Variants in ATP2B1 observed in about 807,000 individuals in gnomAD.
The protein encoded by ATP2B1 is ATPase plasma membrane Ca2+ transporting 1, also known as plasma membrane calcium-transporting ATPase 1.
ATP2B1 carries 14 observed loss-of-function variants against 124.2 expected under a neutral mutation model. The observed-to-expected ratio is 0.11, with a 90% confidence interval of 0.07 to 0.18. ATP2B1 has a LOEUF of 0.18. Ranked by LOEUF, ATP2B1 falls within the 10% of genes least tolerant of loss-of-function variation. ATP2B1 has a pLI of 1.00. For missense variants in ATP2B1, 763 were observed against 1,466.1 expected (o/e 0.52, Z 7.83); for synonymous variants, 449 against 492.4 (o/e 0.91, Z 1.17).
chr12:89,706,984 C>A (rs955067334), intron 1 of ATP2B1, among the ~76,000 whole-genome samples: 5 of 150,948 alleles, frequency 3.3e-5, no homozygotes, highest in Non-Finnish European at 7.4e-5. Context: ...GCTAAATAAG[C>A]CCATTTCATA....
intron 1 of ATP2B1, among the ~76,000 whole-genome samples, chr12:89,697,703 T>C: frequency 6.8e-6 from 1 of 147,048 alleles, no homozygotes; most frequent in African/African-American, 2.5e-5. Flanking sequence ...ATATTAGCAG[T>C]CCTCTTAGTT....
At chr12:89,642,659 C>T (rs1883737325) in intron 2 of ATP2B1, among the ~76,000 whole-genome samples, 1 of 152,100 alleles carries the variant, frequency 6.6e-6, no homozygotes, top group Non-Finnish European at 1.5e-5. Flanking sequence ...GGCTGGCGTG[C>T]AGTGGCACAA....
At chr12:89,678,623 C>A (rs577811995) in intron 1 of ATP2B1, among the ~76,000 whole-genome samples, 5 of 152,184 alleles carry the variant, frequency 3.3e-5, no homozygotes, top group Admixed American at 2.0e-4. Context: ...GCCCTCTGGC[C>A]ATGGCAAATA....
In ATP2B1 at chr12:89,669,333, G is replaced by A. The variant is rs114249085; in HGVS notation, c.-221-13226C>T. ...GCAATGATATTGAAGACAAACAGAT[G>A]TCCTTTAGCAAGGCCCATCTCAGGT... On this transcript the variant is annotated intron_variant, in intron 1 of 20. Transcript: ENST00000428670. Among the ~76,000 whole-genome samples, 567 of 152,236 alleles carry A rather than the reference G, an allele frequency of 3.7e-3. 6 individuals are homozygous for A. The highest frequency in any genetic ancestry group is 0.013 in the African/African-American group (535 of 41,532).
upstream of ATP2B1, chr12:89,709,251 C>T (rs1269636093): frequency 1.3e-5 from 2 of 151,654 alleles, no homozygotes; most frequent in East Asian, 3.9e-4. Flanking sequence ...TTTCTCCACA[C>T]CCACACGCCT....
At chr12:89,666,959 C>T (rs1887381317) in intron 1 of ATP2B1, among the ~76,000 whole-genome samples, 2 of 152,044 alleles carry the variant, frequency 1.3e-5, no homozygotes, top group Admixed American at 1.3e-4. Context: ...TTTTTCTCCA[C>T]CCACCTCCCT....
In ATP2B1 at chr12:89,662,052, C is replaced by A. The variant is rs79564811; in HGVS notation, c.-221-5945G>T. Among the ~76,000 whole-genome samples, 790 of 152,050 alleles carry A rather than the reference C, an allele frequency of 5.2e-3. 19 individuals carry two copies. Among genetic ancestry groups the A allele is most frequent in the East Asian group, 0.049 (254 of 5,172 alleles). ...GAGCCTAAATTTATGGCCCATTACA[C>A]TGAAAAGTTATTTAAAGGCAACAAA... On this transcript the variant is annotated intron_variant, in intron 1 of 20. Transcript: ENST00000428670.
intron 1 of ATP2B1, among the ~76,000 whole-genome samples, chr12:89,685,115 T>A (rs1326377931): frequency 6.6e-6 from 1 of 152,176 alleles, no homozygotes. Context: ...AGATGCAATT[T>A]AGCAGGATGA....
intron 1 of ATP2B1, among the ~76,000 whole-genome samples, chr12:89,674,101 G>A (rs974153005): frequency 6.6e-6 from 1 of 152,126 alleles, no homozygotes; most frequent in African/African-American, 2.4e-5. Context: ...TATCTGCATG[G>A]TAGGTGTTGG....
intron 10 of ATP2B1, among the ~76,000 whole-genome samples, chr12:89,621,010 A>T (rs748189046): frequency 2.6e-5 from 4 of 152,196 alleles, no homozygotes; most frequent in African/African-American, 9.6e-5. Context: ...TCTGTTATAA[A>T]TAAGATTTTT....
intron 1 of ATP2B1, among the ~76,000 whole-genome samples, chr12:89,667,378 T>C (rs1887439713): frequency 6.6e-6 from 1 of 152,178 alleles, no homozygotes; most frequent in South Asian, 2.1e-4. Flanking sequence ...CCTTTTAAAA[T>C]CTTTACCACA....
chr12:89,598,992 A>C, intron 20 of ATP2B1, 125 bp downstream of exon 20: 2 of 1,194,738 alleles, frequency 1.7e-6, no homozygotes, highest in Non-Finnish European at 2.4e-6. Flanking sequence ...ATTACTTTTC[A>C]AGAGAATACA....
intron 1 of ATP2B1, among the ~76,000 whole-genome samples, chr12:89,672,123 T>C (rs978347851): frequency 2.0e-5 from 3 of 152,152 alleles, no homozygotes; most frequent in South Asian, 4.1e-4. Flanking sequence ...CCTAAGCAAA[T>C]TGCTCTATCT....
rs116217816 is a variant in ATP2B1, at chr12:89,684,591, C to T, written c.-222+24005G>A. 7.6e-3 allele frequency among the ~76,000 whole-genome samples: 1,152 copies of T among 152,250 alleles called. 19 individuals carry two copies. The highest frequency in any genetic ancestry group is 0.026 in the African/African-American group (1,085 of 41,552). ...AGGGAAATAGTGGTCATTCAGACTA[C>T]ATAACAAATTAGGACTGTTTCAGCA... On this transcript the variant is annotated intron_variant, in intron 1 of 20. Transcript: ENST00000428670.
intron 1 of ATP2B1, among the ~76,000 whole-genome samples, chr12:89,675,644 C>T (rs564359650): frequency 6.6e-6 from 1 of 152,062 alleles, no homozygotes; most frequent in Non-Finnish European, 1.5e-5. Flanking sequence ...ATATAACTTA[C>T]AATTGAAGCA....
At position 89,684,584 on chromosome 12, in the gene ATP2B1, C is replaced by T. The variant is rs368604403; in HGVS notation, c.-222+24012G>A. Reference sequence around the variant, plus strand: ...AAGGATTAGGGAAATAGTGGTCATTCAGACTACATAACAAATTAGGACTGT... The same window carrying T: ...AAGGATTAGGGAAATAGTGGTCATTTAGACTACATAACAAATTAGGACTGT... On this transcript the variant is annotated intron_variant, in intron 1 of 20. Transcript: ENST00000428670. Among the ~76,000 whole-genome samples the T allele has an allele frequency of 3.7e-4, 57 of 152,240 alleles. No individual in the cohort carries two copies. The South Asian group carries it at 0.011, about 30-fold the overall frequency.
chr12:89,642,409 T>C (rs1326141330), intron 2 of ATP2B1, 54 bp from the exon 3 acceptor site: 10 of 1,487,652 alleles, frequency 6.7e-6, no homozygotes, highest in African/African-American at 1.4e-5. Flanking sequence ...CAAATGAAAA[T>C]ATATAGTTTT....
intron 2 of ATP2B1, among the ~76,000 whole-genome samples, chr12:89,644,483 A>T (rs1355555927): frequency 6.6e-6 from 1 of 152,070 alleles, no homozygotes; most frequent in East Asian, 1.9e-4. Flanking sequence ...ACTTGCAACT[A>T]TAACAGGGTC....
intron 2 of ATP2B1, among the ~76,000 whole-genome samples, chr12:89,646,936 C>G (rs1884535182): frequency 6.6e-6 from 1 of 151,888 alleles, no homozygotes; most frequent in Non-Finnish European, 1.5e-5. Flanking sequence ...AGGGTAATAC[C>G]ACAGGTAAGC....
Sources: allele counts gnomAD v4.1 joint callset (sites outside exome capture counted in the v4.1 genomes callset), GRCh38; gene constraint gnomAD v4.1.1; transcripts MANE v1.5; gene names NCBI Gene and HGNC (gene_info 2026-07-23, HGNC 2026-07-21).